Variants in ELOVL5 observed in about 807,000 individuals in gnomAD.
ELOVL5 encodes the protein very long chain fatty acid elongase 5.
A neutral mutation model predicts 38.6 loss-of-function variants in ELOVL5; 8 were observed. That is an observed-to-expected ratio of 0.21 (90% CI 0.12 to 0.37). ELOVL5 has a LOEUF of 0.37. Among genes scored for constraint, ELOVL5 ranks in the 10% least tolerant of loss-of-function variants. The pLI is 1.00. For synonymous variants in ELOVL5, 127 were observed against 133.7 expected (o/e 0.95, Z 0.34); for missense variants, 280 against 367.8 (o/e 0.76, Z 1.95).
At chr6:53,325,641 T>G (rs917107578) in intron 1 of ELOVL5, among the ~76,000 whole-genome samples, 3 of 152,160 alleles carry the variant, frequency 2.0e-5, no homozygotes, top group Non-Finnish European at 4.4e-5. Flanking sequence ...GGGAGAGGCT[T>G]CACCAGAGGA....
chr6:53,317,241 A>G (rs1768087098), intron 1 of ELOVL5, among the ~76,000 whole-genome samples: 1 of 152,220 alleles, frequency 6.6e-6, no homozygotes, highest in Non-Finnish European at 1.5e-5. Flanking sequence ...AAGCTTTCCA[A>G]AGTGATTTCT....
chr6:53,302,803 C>T (rs973780153), intron 1 of ELOVL5, among the ~76,000 whole-genome samples: 2 of 152,148 alleles, frequency 1.3e-5, no homozygotes, highest in African/African-American at 2.4e-5. Context: ...GCTTTGAAAG[C>T]TCCCTTTCCT....
intron 6 of ELOVL5, among the ~76,000 whole-genome samples, chr6:53,272,390 A>G (rs1006858025): frequency 6.6e-6 from 1 of 150,838 alleles, no homozygotes; most frequent in African/African-American, 2.4e-5. Flanking sequence ...TCCTGCCTCG[A>G]CCTCCCAAAA....
At chr6:53,305,250 G>A (rs1022045089) in intron 1 of ELOVL5, among the ~76,000 whole-genome samples, 20 of 143,610 alleles carry the variant, frequency 1.4e-4, no homozygotes, top group African/African-American at 1.8e-4. Context: ...TGGGCAGAGG[G>A]GCTCCTCACT....
At chr6:53,307,854 A>G (rs1415443470) in intron 1 of ELOVL5, among the ~76,000 whole-genome samples, 1 of 152,182 alleles carries the variant, frequency 6.6e-6, no homozygotes, top group Non-Finnish European at 1.5e-5. Context: ...CATATGATAG[A>G]TGGCCAATAA....
intron 1 of ELOVL5, among the ~76,000 whole-genome samples, chr6:53,325,505 A>T (rs1482024056): frequency 6.6e-6 from 1 of 152,152 alleles, no homozygotes; most frequent in Non-Finnish European, 1.5e-5. Flanking sequence ...AGCCTGAGAG[A>T]GTTTCTGAAT....
chr6:53,300,527 A>C (rs1274457702), intron 1 of ELOVL5, among the ~76,000 whole-genome samples: 1 of 152,220 alleles, frequency 6.6e-6, no homozygotes. Flanking sequence ...ATTTTGGAAA[A>C]CATAGAGAAG....
At chr6:53,295,763 GTAT>G (rs1349153284) in intron 1 of ELOVL5, 56 bp from the exon 2 acceptor site, 1 of 1,081,220 alleles carries the variant, frequency 9.2e-7, no homozygotes, top group African/African-American at 1.6e-5. Context: ...TTTTTATACA[GTAT>G]TTTTTCATAA....
intron 1 of ELOVL5, among the ~76,000 whole-genome samples, chr6:53,335,617 C>T (rs1769027863): frequency 6.6e-6 from 1 of 152,144 alleles, no homozygotes; most frequent in Non-Finnish European, 1.5e-5. Flanking sequence ...TATCCTTCCC[C>T]CAGACTCTCA....
intron 1 of ELOVL5, among the ~76,000 whole-genome samples, chr6:53,320,024 A>G (rs1265030452): frequency 5.9e-5 from 9 of 152,260 alleles, no homozygotes; most frequent in South Asian, 2.1e-4. Context: ...ATTATAACTC[A>G]TATTTCTGGC....
intron 2 of ELOVL5, among the ~76,000 whole-genome samples, chr6:53,292,897 G>A (rs1048890535): frequency 3.9e-5 from 6 of 152,210 alleles, no homozygotes; most frequent in Non-Finnish European, 8.8e-5. Context: ...AGTAGCATGA[G>A]AGCGAAGACC....
intron 1 of ELOVL5, among the ~76,000 whole-genome samples, chr6:53,298,434 G>A (rs1186928797): frequency 2.6e-5 from 4 of 152,060 alleles, no homozygotes; most frequent in Non-Finnish European, 4.4e-5. Context: ...AAGCATGAAC[G>A]GACTTTTGCT....
chr6:53,346,481 A>G (rs146221371), intron 1 of ELOVL5, among the ~76,000 whole-genome samples: 1 of 152,190 alleles, frequency 6.6e-6, no homozygotes, highest in Non-Finnish European at 1.5e-5. Flanking sequence ...GTTTATGTAC[A>G]TGTGCGTATT....
chr6:53,332,194 A>C (rs1187305818), intron 1 of ELOVL5, among the ~76,000 whole-genome samples: 1 of 152,172 alleles, frequency 6.6e-6, no homozygotes, highest in African/African-American at 2.4e-5. Context: ...CTACATCAAT[A>C]ACTAGAAATA....
At chr6:53,278,360 T>C (rs1206356912) in intron 3 of ELOVL5, among the ~76,000 whole-genome samples, 1 of 152,114 alleles carries the variant, frequency 6.6e-6, no homozygotes, top group African/African-American at 2.4e-5. Flanking sequence ...GGACAAATCC[T>C]CTCTTGTAAT....
chr6:53,313,256 T>C (rs904330835), intron 1 of ELOVL5, among the ~76,000 whole-genome samples: 1 of 152,198 alleles, frequency 6.6e-6, no homozygotes, highest in African/African-American at 2.4e-5. Context: ...GCACAGATAA[T>C]TGGGATAAAA....
intron 1 of ELOVL5, among the ~76,000 whole-genome samples, chr6:53,302,087 G>C (rs571069257): frequency 6.6e-6 from 1 of 151,870 alleles, no homozygotes; most frequent in Non-Finnish European, 1.5e-5. Context: ...GCCTGAATTC[G>C]AGAGAAAGAC....
intron 3 of ELOVL5, among the ~76,000 whole-genome samples, chr6:53,284,035 G>C (rs1766467738): frequency 6.6e-6 from 1 of 152,042 alleles, no homozygotes; most frequent in Non-Finnish European, 1.5e-5. Flanking sequence ...GCCAGATGTG[G>C]TGGCTCACGC....
chr6:53,283,085 G>GA (rs1380318073), intron 3 of ELOVL5, among the ~76,000 whole-genome samples: 2 of 151,520 alleles, frequency 1.3e-5, no homozygotes, highest in Non-Finnish European at 2.9e-5. Flanking sequence ...AAATTCAAAG[G>GA]AAAAAAAACT....
Sources: allele counts gnomAD v4.1 joint callset (sites outside exome capture counted in the v4.1 genomes callset), GRCh38; gene constraint gnomAD v4.1.1; transcripts MANE v1.5; gene names NCBI Gene and HGNC (gene_info 2026-07-23, HGNC 2026-07-21).